The following NETO1 variants were observed in gnomAD, a reference collection of about 807,000 sequenced individuals.
NETO1 encodes the protein neuropilin and tolloid-like protein 1.
NETO1 carries 26 observed loss-of-function variants against 61.3 expected under a neutral mutation model. The ratio of observed to expected loss-of-function variants is 0.42; its 90% CI spans 0.31 to 0.59. The LOEUF (loss-of-function observed/expected upper bound fraction) is 0.59. Among genes scored for constraint, NETO1 ranks in the 20% least tolerant of loss-of-function variants. The pLI is 0.12. For synonymous variants in NETO1, 225 were observed against 225.8 expected, an observed-to-expected ratio of 1.00 and a Z score of 0.03; for missense variants, 531 against 662.8, an observed-to-expected ratio of 0.80 and a Z score of 2.18.
In NETO1 at chr18:72,744,665, A is replaced by T. The variant is rs1029620170; in HGVS notation, c.*3514T>A. On this transcript the variant is annotated 3_prime_UTR_variant, in exon 11 of 11. Transcript: ENST00000327305. ...ATTTATTTAGAATTCAAAGAATTTTAAAAATGTTGTTTATTTAACTTCCCT... is the reference window on the plus strand; with the variant it reads ...ATTTATTTAGAATTCAAAGAATTTTTAAAATGTTGTTTATTTAACTTCCCT... The T allele has an allele frequency of 2.6e-5, 4 of 152,326 alleles. No individual in the cohort carries two copies. The highest frequency in any genetic ancestry group is 2.1e-4 in the South Asian group (1 of 4,832). 9.4% of individuals were successfully genotyped at this position (152,326 alleles called of 1,614,324 possible).
At chr18:72,865,517 AC>A in intron 1 of NETO1, 1 of 1,568,060 alleles carries the variant, frequency 6.4e-7, no homozygotes, top group African/African-American at 1.3e-5. Flanking sequence ...ATGTCAATTT[AC>A]TCATGTCACA....
chr18:72,784,491 G>T lies in NETO1; in HGVS notation c.640-585C>A, dbSNP rs537277495. Among the ~76,000 whole-genome samples the T allele has an allele frequency of 2.0e-5, 3 of 152,110 alleles. No individual in the cohort carries two copies. The South Asian group carries it at 6.2e-4, about 32-fold the overall frequency. On this transcript the variant is annotated intron_variant, in intron 6 of 10. Coordinates refer to ENST00000327305, the MANE Select transcript of NETO1 (RefSeq NM_138966.5). ...ATGCCATATATAGACAAGCCATTTAGCTAAGCTACATAAATAAAAATTATG... is the reference window on the plus strand; with the variant it reads ...ATGCCATATATAGACAAGCCATTTATCTAAGCTACATAAATAAAAATTATG...
chr18:72,778,866 A>G (rs1055987427), intron 7 of NETO1, among the ~76,000 whole-genome samples: 6 of 152,146 alleles, frequency 3.9e-5, no homozygotes, highest in African/African-American at 1.4e-4. Context: ...AGCCACTGCC[A>G]CCTATTTTGA....
At chr18:72,778,098 T>A (rs11151796) in intron 7 of NETO1, among the ~76,000 whole-genome samples, 50,874 of 152,038 alleles carry the variant, frequency 0.33, 8,795 homozygotes, top group Admixed American at 0.47. Flanking sequence ...AAGTGCCGGG[T>A]TAACAGTTTG....
At chr18:72,826,303 A>C (rs890811765) in intron 4 of NETO1, among the ~76,000 whole-genome samples, 1 of 152,104 alleles carries the variant, frequency 6.6e-6, no homozygotes, top group Non-Finnish European at 1.5e-5. Flanking sequence ...TTAGCTTTTT[A>C]GTAGCTTTCT....
At chr18:72,801,063 A>C (rs1189379012) in intron 4 of NETO1, among the ~76,000 whole-genome samples, 1 of 152,188 alleles carries the variant, frequency 6.6e-6, no homozygotes, top group African/African-American at 2.4e-5. Flanking sequence ...TCTGGCAAAT[A>C]AATGCAGACA....
chr18:72,785,711 A>T (rs1418219334), intron 6 of NETO1, among the ~76,000 whole-genome samples: 2 of 152,212 alleles, frequency 1.3e-5, no homozygotes, highest in Non-Finnish European at 2.9e-5. Context: ...GTCTAAAAAC[A>T]TCAACTAGCA....
chr18:72,821,257 A>AAAAAAAAAAAAAC (rs1268067980), intron 4 of NETO1, among the ~76,000 whole-genome samples: 1 of 148,928 alleles, frequency 6.7e-6, no homozygotes, highest in Non-Finnish European at 1.5e-5. Context: ...AAAAAAAAAA[A>AAAAAAAAAAAAAC]TGGGTCCAGG....
intron 7 of NETO1, among the ~76,000 whole-genome samples, chr18:72,777,479 T>C (rs2071592449): frequency 6.7e-6 from 1 of 148,188 alleles, no homozygotes; most frequent in Admixed American, 6.8e-5. Flanking sequence ...CGGTGGCTCA[T>C]GCCTGTAATC....
chr18:72,825,585 A>G (rs1206738323), intron 4 of NETO1, among the ~76,000 whole-genome samples: 1 of 151,926 alleles, frequency 6.6e-6, no homozygotes, highest in East Asian at 1.9e-4. Flanking sequence ...TTCTAAAAAC[A>G]TTTATTCTAC....
At chr18:72,864,276 A>T (rs1599196255) in intron 3 of NETO1, among the ~76,000 whole-genome samples, 1 of 152,234 alleles carries the variant, frequency 6.6e-6, no homozygotes, top group Non-Finnish European at 1.5e-5. Flanking sequence ...ATAAAGGGTC[A>T]TAATTTACAA....
intron 7 of NETO1, among the ~76,000 whole-genome samples, chr18:72,763,016 G>T (rs1003654105): frequency 6.6e-6 from 1 of 152,016 alleles, no homozygotes; most frequent in East Asian, 1.9e-4. Context: ...ATGTACCTCC[G>T]ATTTTAGTGT....
intron 4 of NETO1, among the ~76,000 whole-genome samples, chr18:72,811,019 C>G (rs1340987096): frequency 6.6e-6 from 1 of 152,188 alleles, no homozygotes; most frequent in African/African-American, 2.4e-5. Context: ...TTCCCTTCAT[C>G]AGAAAGATAC....
At chr18:72,845,093 G>C (rs1021245969) in intron 4 of NETO1, among the ~76,000 whole-genome samples, 4 of 152,162 alleles carry the variant, frequency 2.6e-5, no homozygotes, top group African/African-American at 7.2e-5. Flanking sequence ...TCAACATTTT[G>C]TATACAGTAA....
chr18:72,817,696 G>A (rs1328604024), intron 4 of NETO1, among the ~76,000 whole-genome samples: 1 of 152,214 alleles, frequency 6.6e-6, no homozygotes, highest in Non-Finnish European at 1.5e-5. Context: ...AACAAATAGT[G>A]CTTCACTTCC....
chr18:72,845,933 A>G (rs7234925), intron 4 of NETO1, among the ~76,000 whole-genome samples: 11 of 150,952 alleles, frequency 7.3e-5, no homozygotes, highest in African/African-American at 2.5e-4. Flanking sequence ...CAAGCTAGAG[A>G]CTGAAAAGTC....
At chr18:72,858,593 C>T (rs893256604) in intron 4 of NETO1, among the ~76,000 whole-genome samples, 2 of 152,114 alleles carry the variant, frequency 1.3e-5, no homozygotes, top group Admixed American at 6.5e-5. Flanking sequence ...GTGGCTGATG[C>T]CCATTTAGAG....
chr18:72,846,534 A>AAAAAAAAT (rs2074093515), intron 4 of NETO1, among the ~76,000 whole-genome samples: 2 of 146,800 alleles, frequency 1.4e-5, no homozygotes, highest in African/African-American at 5.0e-5. Context: ...AAAAAAAAAA[A>AAAAAAAAT]GAAGATGCAT....
At chr18:72,781,255 C>T (rs904060064) in intron 7 of NETO1, among the ~76,000 whole-genome samples, 14 of 151,910 alleles carry the variant, frequency 9.2e-5, no homozygotes, top group African/African-American at 2.4e-4. Context: ...AAATTAAATA[C>T]GAGTTCTTGG....
Sources: allele counts gnomAD v4.1 joint callset (sites outside exome capture counted in the v4.1 genomes callset), GRCh38; gene constraint gnomAD v4.1.1; transcripts MANE v1.5; gene names NCBI Gene and HGNC (gene_info 2026-07-23, HGNC 2026-07-21).